Variants in FHIP1A observed in about 807,000 individuals in gnomAD.
The protein encoded by FHIP1A is FHF complex subunit HOOK-interacting protein 1A.
A neutral mutation model predicts 88.6 loss-of-function variants in FHIP1A; 61 were observed. That is an observed-to-expected ratio of 0.69 (90% CI 0.56 to 0.85). The LOEUF is 0.85. Ranked by LOEUF, FHIP1A falls within the 40% of genes least tolerant of loss-of-function variation. The pLI, the probability that FHIP1A is intolerant of heterozygous loss-of-function variation, is 0.00. For missense variants in FHIP1A, 1,154 were observed against 1,273.5 expected (o/e 0.91, Z 1.43); for synonymous variants, 478 against 496.0 (o/e 0.96, Z 0.48).
chr4:151,504,614 T>TATGTTATGTTATGTC (rs1560735668), intron 3 of FHIP1A, among the ~76,000 whole-genome samples: 2 of 118,978 alleles, frequency 1.7e-5, no homozygotes, highest in African/African-American at 6.2e-5. Flanking sequence ...TATGTCATGT[T>TATGTTATGTTATGTC]ATGTTATGTC....
chr4:151,431,375 G>A (rs1177422298), intron 1 of FHIP1A, among the ~76,000 whole-genome samples: 5 of 152,046 alleles, frequency 3.3e-5, no homozygotes, highest in African/African-American at 7.3e-5. Context: ...GAGATGATGC[G>A]CTTACATTTG....
chr4:151,603,358 C>G (rs1734947620), intron 7 of FHIP1A, among the ~76,000 whole-genome samples: 1 of 151,996 alleles, frequency 6.6e-6, no homozygotes, highest in Admixed American at 6.5e-5. Flanking sequence ...TATTAACAAC[C>G]CCTGGGGCTT....
In FHIP1A at chr4:151,660,715, CTGTT is replaced by C. The variant is rs1277796137; in HGVS notation, c.2870-1783_2870-1780del. On this transcript the variant is annotated intron_variant, in intron 13 of 13. Coordinates refer to ENST00000435205, the MANE Select transcript of FHIP1A (RefSeq NM_001109977.3). ...ACATGGAGAGGAGGCTAGAATGAGA[CTGTT>C]TGGGTAGAGGGCAGAGGAAGGCATA... Among the ~76,000 whole-genome samples, 19 of 152,090 alleles carry C rather than the reference CTGTT, an allele frequency of 1.2e-4. 1 individual carries two copies. Among genetic ancestry groups the C allele is most frequent in the Admixed American group, 1.0e-3 (16 of 15,274 alleles).
At chr4:151,478,273 T>C (rs1308493683) in intron 2 of FHIP1A, among the ~76,000 whole-genome samples, 2 of 152,202 alleles carry the variant, frequency 1.3e-5, no homozygotes, top group Non-Finnish European at 2.9e-5. Flanking sequence ...AAAACATTTA[T>C]ACAAGATGTT....
chr4:151,432,404 G>A (rs191789795), intron 1 of FHIP1A, among the ~76,000 whole-genome samples: 121 of 152,286 alleles, frequency 7.9e-4, no homozygotes, highest in Admixed American at 9.8e-4. Flanking sequence ...TGTGTGCCAG[G>A]CACTGTTCTA....
At chr4:151,506,021 C>T (rs1560736492) in intron 3 of FHIP1A, among the ~76,000 whole-genome samples, 4 of 152,202 alleles carry the variant, frequency 2.6e-5, no homozygotes, top group African/African-American at 4.8e-5. Flanking sequence ...CTCCTGAGCT[C>T]AAGTGATCCT....
chr4:151,603,039 G>A (rs11723395), intron 7 of FHIP1A, among the ~76,000 whole-genome samples: 42,908 of 152,068 alleles, frequency 0.28, 6,332 homozygotes, highest in Non-Finnish European at 0.33. Context: ...GTGGCCAGTC[G>A]CGGTGGCTCA....
At chr4:151,495,210 G>C (rs987775210) in intron 3 of FHIP1A, among the ~76,000 whole-genome samples, 1 of 152,202 alleles carries the variant, frequency 6.6e-6, no homozygotes, top group African/African-American at 2.4e-5. Context: ...ATAGAAAAAA[G>C]AATGGAAAGG....
chr4:151,471,684 T>C (rs960787156), intron 2 of FHIP1A, among the ~76,000 whole-genome samples: 1 of 152,100 alleles, frequency 6.6e-6, no homozygotes, highest in Non-Finnish European at 1.5e-5. Flanking sequence ...AGTTCTTTAG[T>C]GGTGATTTGT....
At chr4:151,500,456 A>G (rs1042163379) in intron 3 of FHIP1A, among the ~76,000 whole-genome samples, 1 of 151,568 alleles carries the variant, frequency 6.6e-6, no homozygotes, top group Non-Finnish European at 1.5e-5. Flanking sequence ...AAAAAAAAAA[A>G]AAGACTTTGG....
intron 3 of FHIP1A, among the ~76,000 whole-genome samples, chr4:151,517,948 TA>T (rs1731307562): frequency 1.3e-5 from 2 of 152,146 alleles, no homozygotes; most frequent in South Asian, 2.1e-4. Context: ...GTTTATACAG[TA>T]AAAAAGTTAT....
chr4:151,429,968 T>G (rs1277031675), intron 1 of FHIP1A, among the ~76,000 whole-genome samples: 1 of 152,126 alleles, frequency 6.6e-6, no homozygotes, highest in African/African-American at 2.4e-5. Flanking sequence ...AGTTGAAAAT[T>G]TCAAAGGAAT....
At chr4:151,455,909 G>A (rs956837773) in intron 2 of FHIP1A, among the ~76,000 whole-genome samples, 13 of 152,184 alleles carry the variant, frequency 8.5e-5, no homozygotes, top group African/African-American at 2.9e-4. Flanking sequence ...CCTGTTGAAA[G>A]CAGTCTGGAA....
intron 3 of FHIP1A, chr4:151,534,577 G>C (rs1039509431): frequency 6.6e-6 from 1 of 151,828 alleles, no homozygotes; most frequent in African/African-American, 2.4e-5. Flanking sequence ...TATCTTAGTG[G>C]GTCTGTCAAA....
At chr4:151,422,669 G>A (rs990763440) in intron 1 of FHIP1A, among the ~76,000 whole-genome samples, 3 of 152,176 alleles carry the variant, frequency 2.0e-5, no homozygotes, top group Admixed American at 2.0e-4. Flanking sequence ...GGGATTACAG[G>A]TGTGAGCCAC....
At chr4:151,454,058 A>AT (rs1181928518) in intron 1 of FHIP1A, among the ~76,000 whole-genome samples, 7 of 152,070 alleles carry the variant, frequency 4.6e-5, no homozygotes, top group Non-Finnish European at 8.8e-5. Flanking sequence ...TTTTTACATA[A>AT]TTTTTTCCCA....
chr4:151,485,990 G>C (rs1047296352), intron 3 of FHIP1A, among the ~76,000 whole-genome samples: 20 of 152,188 alleles, frequency 1.3e-4, no homozygotes, highest in African/African-American at 4.6e-4. Flanking sequence ...GACGGGGATG[G>C]CGTGGCTTGA....
intron 4 of FHIP1A, among the ~76,000 whole-genome samples, chr4:151,571,879 C>T (rs1412656620): frequency 2.6e-5 from 4 of 152,152 alleles, no homozygotes; most frequent in Admixed American, 1.3e-4. Context: ...GTTAGATGGC[C>T]GAGGCATTAA....
intron 2 of FHIP1A, among the ~76,000 whole-genome samples, chr4:151,463,499 A>G (rs1010923668): frequency 2.0e-5 from 3 of 152,216 alleles, no homozygotes; most frequent in Non-Finnish European, 4.4e-5. Context: ...AGAAGATTAC[A>G]CTTCCTCCTT....
Sources: gnomAD v4.1 joint callset for allele counts (sites outside exome capture counted in the v4.1 genomes callset) on GRCh38, gnomAD v4.1.1 for gene constraint, MANE v1.5 for transcripts, NCBI Gene and HGNC (gene_info 2026-07-23, HGNC 2026-07-21) for gene names.